The following PHLPP1 variants were observed in gnomAD, a reference collection of about 807,000 sequenced individuals.
PHLPP1 encodes the protein PH domain leucine-rich repeat-containing protein phosphatase 1.
In PHLPP1, 42 loss-of-function variants were observed where a neutral mutation model predicts 117.2. The observed-to-expected ratio is 0.36, with a 90% CI of 0.28 to 0.46. The LOEUF is 0.46. Ranked by LOEUF, PHLPP1 falls within the 20% of genes least tolerant of loss-of-function variation. PHLPP1 has a pLI of 1.00. For synonymous variants in PHLPP1, 1,042 were observed against 970.7 expected (o/e 1.07, Z -1.37); for missense variants, 2,084 against 2,241.9 (o/e 0.93, Z 1.42).
At chr18:62,917,396 T>TGTGTGTGTG (rs1909321733) in intron 9 of PHLPP1, among the ~76,000 whole-genome samples, 2,327 of 141,484 alleles carry the variant, frequency 0.016, 33 homozygotes, top group Middle Eastern at 0.039. Context: ...ACAGTATTCT[T>TGTGTGTGTG]TGTGTGTGTG....
At chr18:62,918,001 T>G (rs1293237988) in intron 9 of PHLPP1, among the ~76,000 whole-genome samples, 1 of 151,864 alleles carries the variant, frequency 6.6e-6, no homozygotes, top group Non-Finnish European at 1.5e-5. Context: ...GGTCAGGAGT[T>G]CAAGACCAGC....
rs555695008 is a variant in PHLPP1, at chr18:62,851,738, C to T, written c.1900-8697C>T. On this transcript the variant is annotated intron_variant, in intron 3 of 16. Transcript: ENST00000262719. ...CCTCCCAAAGTGCTAGGATTACAGG[C>T]GTGAGCCACTGTGCCCAGCCCATCT... Among the ~76,000 whole-genome samples, 19 of 152,258 alleles carry T rather than the reference C, an allele frequency of 1.2e-4. No individual in the cohort carries two copies. The South Asian group carries it at 2.9e-3, about 23-fold the overall frequency.
rs191225976 is a variant in PHLPP1, at chr18:62,895,843, T to C, written c.2276T>C (p.Met759Thr). ...TCCCTTCCTGCTGAGTTGGAGAACA[T>C]GAAGCAGCTTAGTTATCTGGGTCTT... ...LQSLPAELEN[M>T]KQLSYLGLSF... The change falls in exon 6 of 17, where the codon ATG (methionine) becomes ACG (threonine). Residue 759 changes from methionine to threonine, a missense_variant. Physicochemically the swap from Met to Thr is moderately conservative, Grantham distance 81. Around this residue, in one of 2 missense-constraint regions of PHLPP1, gnomAD observed 1,365 missense variants for 1,605.9 expected, o/e 0.85. Transcript: ENST00000262719. 168 of 1,613,802 alleles carry C rather than the reference T, an allele frequency of 1.0e-4. No individual in the cohort carries two copies. The East Asian group carries it at 3.6e-3, about 35-fold the overall frequency.
chr18:62,922,238 G>A (rs1383285505), intron 10 of PHLPP1, among the ~76,000 whole-genome samples: 5 of 152,288 alleles, frequency 3.3e-5, no homozygotes, highest in Non-Finnish European at 7.4e-5. Context: ...CTGGGTTCAA[G>A]TGATTCTCTT....
intron 4 of PHLPP1, among the ~76,000 whole-genome samples, chr18:62,875,102 G>A (rs1407017588): frequency 3.9e-5 from 6 of 151,906 alleles, no homozygotes; most frequent in Admixed American, 6.6e-5. Context: ...CTATAGGTGC[G>A]TGCCACCACT....
intron 10 of PHLPP1, among the ~76,000 whole-genome samples, chr18:62,927,283 T>TA (rs1909661661): frequency 6.6e-6 from 1 of 152,124 alleles, no homozygotes; most frequent in African/African-American, 2.4e-5. Flanking sequence ...AACAACCTGA[T>TA]ACCCTGAAAA....
chr18:62,725,375 T>TA (rs1276887162), intron 1 of PHLPP1, among the ~76,000 whole-genome samples: 2 of 146,244 alleles, frequency 1.4e-5, no homozygotes, highest in African/African-American at 5.0e-5. Flanking sequence ...AAAAAAAAAA[T>TA]AATAAATAAA....
At position 62,958,770 on chromosome 18, in the gene PHLPP1, T is replaced by C; in HGVS notation, c.3455+11T>C. The stretch of plus-strand genomic sequence containing the variant: ...CCTGGAACTACTGAAGTAAGTATTC[T>C]GTAAAGCACTGTATCCCCATCATTG... On this transcript the variant is annotated intron_variant, in intron 13 of 16. Coordinates refer to ENST00000262719, the MANE Select transcript of PHLPP1 (RefSeq NM_194449.4). 3 of 1,613,786 alleles carry C rather than the reference T, an allele frequency of 1.9e-6. No individual in the cohort carries two copies. The African/African-American group carries it at 4.0e-5, about 22-fold the overall frequency.
intron 10 of PHLPP1, among the ~76,000 whole-genome samples, chr18:62,935,603 G>T (rs532718197): frequency 6.6e-6 from 1 of 152,288 alleles, no homozygotes; most frequent in East Asian, 1.9e-4. Flanking sequence ...ACAAGGGAGA[G>T]ACAAACCTTA....
intron 1 of PHLPP1, among the ~76,000 whole-genome samples, chr18:62,779,035 C>A (rs1208092972): frequency 6.6e-6 from 1 of 152,162 alleles, no homozygotes; most frequent in African/African-American, 2.4e-5. Context: ...TGTAATTAGA[C>A]CCTGTCATGC....
chr18:62,774,927 A>G (rs1308374504), intron 1 of PHLPP1, among the ~76,000 whole-genome samples: 2 of 151,860 alleles, frequency 1.3e-5, no homozygotes, highest in Non-Finnish European at 1.5e-5. Context: ...TCTTGCTTTT[A>G]TAGCTAATGT....
chr18:62,946,617 A>G (rs1200917370), intron 12 of PHLPP1, among the ~76,000 whole-genome samples: 2 of 152,000 alleles, frequency 1.3e-5, no homozygotes, highest in Non-Finnish European at 2.9e-5. Context: ...TATATGGTTG[A>G]GATGTGTACA....
intron 3 of PHLPP1, among the ~76,000 whole-genome samples, chr18:62,855,357 C>G (rs1915467073): frequency 6.6e-6 from 1 of 152,000 alleles, no homozygotes; most frequent in African/African-American, 2.4e-5. Flanking sequence ...TTTGGATAGC[C>G]CAGCTGGTAG....
intron 6 of PHLPP1, among the ~76,000 whole-genome samples, chr18:62,897,011 T>C (rs1321011879): frequency 6.6e-6 from 1 of 151,450 alleles, no homozygotes; most frequent in African/African-American, 2.5e-5. Context: ...TCTAAACACT[T>C]TGTTAACTTG....
chr18:62,957,126 C>T lies in PHLPP1; in HGVS notation c.3325-1503C>T, dbSNP rs1247875972. 1.3e-5 allele frequency among the ~76,000 whole-genome samples: 2 copies of T among 152,092 alleles called. 1 individual carries two copies. Among genetic ancestry groups the T allele is most frequent in the Middle Eastern group, 6.3e-3 (2 of 316 alleles). Reference sequence around the variant, plus strand: ...TTCAGCCAGATAATTGAATGCTCTCCACCCCATACTATATACTATATATAT... The same window carrying T: ...TTCAGCCAGATAATTGAATGCTCTCTACCCCATACTATATACTATATATAT... On this transcript the variant is annotated intron_variant, in intron 12 of 16. Transcript: ENST00000262719.
At chr18:62,912,404 G>T (rs1599116376) in intron 8 of PHLPP1, among the ~76,000 whole-genome samples, 1 of 149,268 alleles carries the variant, frequency 6.7e-6, no homozygotes, top group Non-Finnish European at 1.5e-5. Context: ...AAAACTCTTT[G>T]AGTAGTGCTT....
intron 1 of PHLPP1, among the ~76,000 whole-genome samples, chr18:62,782,997 T>C (rs1483290284): frequency 6.8e-6 from 1 of 146,072 alleles, no homozygotes; most frequent in South Asian, 2.1e-4. Flanking sequence ...CTTCCAGCTC[T>C]CATAAGTAAA....
chr18:62,832,453 A>T (rs1295680095), intron 2 of PHLPP1: 2 of 152,240 alleles, frequency 1.3e-5, no homozygotes, highest in East Asian at 3.8e-4. Context: ...GCAGGAAAGC[A>T]CATGGAATGT....
chr18:62,866,097 T>A (rs1340567803), intron 4 of PHLPP1, among the ~76,000 whole-genome samples: 1 of 152,178 alleles, frequency 6.6e-6, no homozygotes, highest in Non-Finnish European at 1.5e-5. Context: ...ATGGGGATGT[T>A]AACTGCCAAA....
Sources: allele counts gnomAD v4.1 joint callset (sites outside exome capture counted in the v4.1 genomes callset), GRCh38; gene constraint gnomAD v4.1.1; regional missense constraint gnomAD v4.1.1; transcripts MANE v1.5; gene names NCBI Gene and HGNC (gene_info 2026-07-23, HGNC 2026-07-21).